The following THSD4 variants were observed in gnomAD, a reference collection of about 807,000 sequenced individuals.
The protein encoded by THSD4 is thrombospondin type-1 domain-containing protein 4.
In THSD4, 69 loss-of-function variants were observed where a neutral mutation model predicts 119.0. The observed-to-expected ratio is 0.58, with a 90% CI of 0.48 to 0.71. The LOEUF is 0.71. Among genes scored for constraint, THSD4 ranks in the 30% least tolerant of loss-of-function variants. THSD4 has a pLI of 0.00. For synonymous variants in THSD4, 524 were observed against 540.4 expected, an observed-to-expected ratio of 0.97 and a Z score of 0.42; for missense variants, 1,393 against 1,391.1, an observed-to-expected ratio of 1.00 and a Z score of -0.02.
chr15:71,627,031 G>A (rs1405706067), intron 7 of THSD4, among the ~76,000 whole-genome samples: 2 of 152,114 alleles, frequency 1.3e-5, no homozygotes, highest in Admixed American at 6.5e-5. Context: ...TTTAGTCCAT[G>A]GAGATTTGTC....
chr15:71,275,419 C>T (rs749260277), intron 6 of THSD4, among the ~76,000 whole-genome samples: 9 of 152,184 alleles, frequency 5.9e-5, no homozygotes, highest in Non-Finnish European at 1.0e-4. Flanking sequence ...TTGGTGGGGA[C>T]ATGTCCTGAA....
At chr15:71,173,811 C>T (rs2043409559) in intron 3 of THSD4, among the ~76,000 whole-genome samples, 1 of 151,930 alleles carries the variant, frequency 6.6e-6, no homozygotes, top group South Asian at 2.1e-4. Context: ...ACACTGACAG[C>T]CATGGAGACC....
At chr15:71,154,747 G>A (rs2040759144) in intron 2 of THSD4, 116 bp from the exon 3 acceptor site, 6 of 1,003,594 alleles carry the variant, frequency 6.0e-6, no homozygotes, top group African/African-American at 1.6e-5. Context: ...ACATCCCAGG[G>A]CCTGGGTTGG....
At chr15:71,453,836 A>G (rs574627526) in intron 7 of THSD4, among the ~76,000 whole-genome samples, 59 of 152,338 alleles carry the variant, frequency 3.9e-4, no homozygotes, top group African/African-American at 1.3e-3. Flanking sequence ...GGCAGCTTCC[A>G]CAGATGAGAC....
intron 7 of THSD4, among the ~76,000 whole-genome samples, chr15:71,450,857 A>G (rs2047254191): frequency 6.6e-6 from 1 of 152,290 alleles, no homozygotes; most frequent in African/African-American, 2.4e-5. Flanking sequence ...TGAAGCCTAT[A>G]TTGCATCCTG....
At chr15:71,228,232 G>T (rs1345599194) in intron 4 of THSD4, among the ~76,000 whole-genome samples, 2 of 152,066 alleles carry the variant, frequency 1.3e-5, no homozygotes, top group East Asian at 3.9e-4. Flanking sequence ...ACACAACAGG[G>T]TGGCTGATGT....
At chr15:71,396,300 G>GCACA (rs142856960) in intron 6 of THSD4, among the ~76,000 whole-genome samples, 14 of 142,640 alleles carry the variant, frequency 9.8e-5, no homozygotes, top group Admixed American at 1.4e-4. Context: ...GCGTACATAT[G>GCACA]CACACACACA....
intron 3 of THSD4, among the ~76,000 whole-genome samples, chr15:71,160,563 G>A (rs2043240518): frequency 1.3e-5 from 2 of 151,838 alleles, no homozygotes; most frequent in Non-Finnish European, 2.9e-5. Flanking sequence ...ATACATCCAG[G>A]AATTTATCCA....
chr15:71,466,404 A>G (rs1241270764), intron 7 of THSD4, among the ~76,000 whole-genome samples: 1 of 151,794 alleles, frequency 6.6e-6, no homozygotes, highest in Non-Finnish European at 1.5e-5. Flanking sequence ...AAAAAGGGTC[A>G]GACATGGTTA....
chr15:71,411,877 G>A (rs2046694036), intron 7 of THSD4, 54 bp downstream of exon 7: 1 of 1,604,520 alleles, frequency 6.2e-7, no homozygotes, highest in African/African-American at 1.3e-5. Context: ...TGTGACTGCT[G>A]ACTCCATTGT....
At chr15:71,775,729 A>G (rs1224280355) in intron 17 of THSD4, among the ~76,000 whole-genome samples, 2 of 152,198 alleles carry the variant, frequency 1.3e-5, no homozygotes, top group East Asian at 1.9e-4. Context: ...TAAAATAAAT[A>G]AAATAAAATA....
intron 14 of THSD4, among the ~76,000 whole-genome samples, chr15:71,755,076 C>T (rs185641652): frequency 6.6e-6 from 1 of 152,180 alleles, no homozygotes; most frequent in East Asian, 1.9e-4. Context: ...GGGAGGGCAC[C>T]CTTCTCATGG....
At chr15:71,446,221 C>T (rs551644512) in intron 7 of THSD4, among the ~76,000 whole-genome samples, 1 of 152,186 alleles carries the variant, frequency 6.6e-6, no homozygotes, top group Non-Finnish European at 1.5e-5. Context: ...GTTCTTTGTT[C>T]TTCTTCCCGC....
At chr15:71,239,109 A>T (rs972049469) in intron 4 of THSD4, among the ~76,000 whole-genome samples, 7 of 152,238 alleles carry the variant, frequency 4.6e-5, no homozygotes, top group Non-Finnish European at 8.8e-5. Flanking sequence ...AAATACTTGT[A>T]TGATGCATAC....
At chr15:71,590,143 A>G (rs1252997306) in intron 7 of THSD4, among the ~76,000 whole-genome samples, 2 of 138,984 alleles carry the variant, frequency 1.4e-5, no homozygotes, top group South Asian at 2.3e-4. Flanking sequence ...GTTCAGTCAT[A>G]TCTGTTGGGT....
At chr15:71,140,714 A>G (rs763063663) in intron 1 of THSD4, among the ~76,000 whole-genome samples, 1 of 152,224 alleles carries the variant, frequency 6.6e-6, no homozygotes, top group Admixed American at 6.5e-5. Flanking sequence ...TTGAGATATA[A>G]TTTATTTCCC....
chr15:71,749,847 GC>G (rs1041682106), intron 14 of THSD4, among the ~76,000 whole-genome samples: 2 of 151,800 alleles, frequency 1.3e-5, no homozygotes, highest in South Asian at 2.1e-4. Context: ...AGCACCCCCT[GC>G]CCCCCTCCCG....
At chr15:71,436,614 C>T (rs2047016347) in intron 7 of THSD4, among the ~76,000 whole-genome samples, 1 of 152,108 alleles carries the variant, frequency 6.6e-6, no homozygotes, top group Admixed American at 6.5e-5. Context: ...TCTGTAGGGA[C>T]CAAGGGAAAG....
intron 17 of THSD4, among the ~76,000 whole-genome samples, chr15:71,776,034 C>T (rs2053906885): frequency 6.6e-6 from 1 of 152,180 alleles, no homozygotes; most frequent in Non-Finnish European, 1.5e-5. Context: ...TGAACTCCCT[C>T]CTCTCATCCT....
Sources: allele counts gnomAD v4.1 joint callset (sites outside exome capture counted in the v4.1 genomes callset), GRCh38; gene constraint gnomAD v4.1.1; transcripts MANE v1.5; gene names NCBI Gene and HGNC (gene_info 2026-07-23, HGNC 2026-07-21).